Variants in CABIN1 observed in about 807,000 individuals in gnomAD.
CABIN1 encodes the protein calcineurin-binding protein cabin-1.
CABIN1 carries 133 observed loss-of-function variants against 227.7 expected under a neutral mutation model. The observed-to-expected ratio is 0.58, with a 90% confidence interval of 0.51 to 0.67. The LOEUF is 0.67. Among genes scored for constraint, CABIN1 ranks in the 30% least tolerant of loss-of-function variants. CABIN1 has a pLI of 0.00. For synonymous variants in CABIN1, 1,086 were observed against 1,155.1 expected, an observed-to-expected ratio of 0.94 and a Z score of 1.21; for missense variants, 2,408 against 2,852.5, an observed-to-expected ratio of 0.84 and a Z score of 3.55.
chr22:24,099,029 C>G lies in CABIN1; in HGVS notation c.4117+837C>G, dbSNP rs569142015. On this transcript the variant is annotated intron_variant, in intron 26 of 36. Transcript: ENST00000263119. ...GCTAGTAGGTGGGTAGAATTGGTCCCAGGGCTCTGCTTCCTGCCAGATAGT... is the reference window on the plus strand; with the variant it reads ...GCTAGTAGGTGGGTAGAATTGGTCCGAGGGCTCTGCTTCCTGCCAGATAGT... 7.9e-5 allele frequency among the ~76,000 whole-genome samples: 12 copies of G among 152,240 alleles called. No individual in the cohort carries two copies. In the South Asian group the frequency reaches 2.5e-3, roughly 32 times the overall value.
At chr22:24,175,882 G>A (rs1390000962) in intron 34 of CABIN1, 2 of 624,754 alleles carry the variant, frequency 3.2e-6, no homozygotes, top group African/African-American at 3.6e-5. Context: ...TCGGGAGGCG[G>A]AGGAGCCCTC....
intron 10 of CABIN1, among the ~76,000 whole-genome samples, chr22:24,057,409 C>G (rs931736157): frequency 1.3e-5 from 2 of 152,174 alleles, no homozygotes; most frequent in African/African-American, 4.8e-5. Context: ...TCTTCATTTG[C>G]ACTGGGCCAT....
chr22:24,143,457 C>T (rs562465110), intron 29 of CABIN1, among the ~76,000 whole-genome samples: 2 of 152,316 alleles, frequency 1.3e-5, no homozygotes, highest in South Asian at 2.1e-4. Context: ...GCCCCCACCC[C>T]CTTTTGGTGT....
intron 1 of CABIN1, among the ~76,000 whole-genome samples, chr22:24,033,166 A>G (rs1382767740): frequency 1.3e-5 from 2 of 152,250 alleles, no homozygotes; most frequent in Non-Finnish European, 2.9e-5. Flanking sequence ...CCCAGGAGAT[A>G]AAACAGCTAT....
intron 31 of CABIN1, 108 bp downstream of exon 31, chr22:24,165,734 G>A (rs972431875): frequency 2.1e-5 from 19 of 889,882 alleles, no homozygotes; most frequent in African/African-American, 2.0e-4. Flanking sequence ...GGCAGGATGT[G>A]CCTAAGGGTC....
chr22:24,041,036 T>C, intron 4 of CABIN1, 103 bp from the exon 5 acceptor site: 1 of 1,413,102 alleles, frequency 7.1e-7, no homozygotes, highest in East Asian at 2.3e-5. Flanking sequence ...CTAGACTGGC[T>C]CAAGGGCCTG....
At chr22:24,059,661 G>A (rs1396276645) in intron 11 of CABIN1, among the ~76,000 whole-genome samples, 1 of 152,196 alleles carries the variant, frequency 6.6e-6, no homozygotes, top group African/African-American at 2.4e-5. Flanking sequence ...AGTGAGATTA[G>A]TGCACATGGC....
intron 17 of CABIN1, among the ~76,000 whole-genome samples, chr22:24,072,033 T>C (rs2040124308): frequency 6.6e-6 from 1 of 152,172 alleles, no homozygotes; most frequent in Admixed American, 6.5e-5. Context: ...TTTGCACTTG[T>C]GTAGCTTGTC....
At chr22:24,128,792 C>A (rs924930399) in intron 28 of CABIN1, among the ~76,000 whole-genome samples, 2 of 152,238 alleles carry the variant, frequency 1.3e-5, no homozygotes, top group African/African-American at 4.8e-5. Flanking sequence ...ACCTTCCTGG[C>A]AGCCCTGTGG....
At chr22:24,158,092 A>G (rs2045944493) in intron 29 of CABIN1, among the ~76,000 whole-genome samples, 1 of 152,224 alleles carries the variant, frequency 6.6e-6, no homozygotes, top group African/African-American at 2.4e-5. Flanking sequence ...GAATCCCTCC[A>G]CCAGGGGAAC....
At chr22:24,022,658 G>C (rs1427363172) in intron 1 of CABIN1, among the ~76,000 whole-genome samples, 2 of 152,180 alleles carry the variant, frequency 1.3e-5, no homozygotes, top group South Asian at 4.1e-4. Context: ...AGTTTTATAA[G>C]AAACTGTTTT....
intron 18 of CABIN1, among the ~76,000 whole-genome samples, chr22:24,074,597 G>T (rs1006372090): frequency 6.6e-6 from 1 of 152,154 alleles, no homozygotes; most frequent in African/African-American, 2.4e-5. Flanking sequence ...GAGGGAAGGG[G>T]CCCTGGGATA....
intron 28 of CABIN1, among the ~76,000 whole-genome samples, chr22:24,129,094 A>C (rs1305975455): frequency 6.6e-6 from 1 of 152,184 alleles, no homozygotes; most frequent in African/African-American, 2.4e-5. Context: ...GGTCTGCCTT[A>C]CGGCTTTGCA....
chr22:24,063,185 A>G (rs1469930006), intron 14 of CABIN1, 39 bp downstream of exon 14: 4 of 1,604,160 alleles, frequency 2.5e-6, no homozygotes, highest in Non-Finnish European at 3.4e-6. Flanking sequence ...GCATGCCCTG[A>G]CACCCAGCAG....
intron 6 of CABIN1, among the ~76,000 whole-genome samples, chr22:24,045,635 A>G (rs2037815401): frequency 1.3e-5 from 2 of 151,924 alleles, no homozygotes; most frequent in South Asian, 4.2e-4. Flanking sequence ...GTTTCCACAT[A>G]TTTAGGTATT....
At chr22:24,035,762 T>A (rs2036829986) in intron 2 of CABIN1, among the ~76,000 whole-genome samples, 1 of 152,096 alleles carries the variant, frequency 6.6e-6, no homozygotes, top group African/African-American at 2.4e-5. Flanking sequence ...TTGAAATCTG[T>A]TGTTCCATTA....
chr22:24,060,219 C>T (rs2039091571), intron 12 of CABIN1, 78 bp downstream of exon 12: 1 of 1,363,732 alleles, frequency 7.3e-7, no homozygotes. Flanking sequence ...GGGTGTGGGG[C>T]TGCTGTTGTG....
intron 12 of CABIN1, among the ~76,000 whole-genome samples, chr22:24,061,089 T>C (rs1368887600): frequency 6.6e-6 from 1 of 152,192 alleles, no homozygotes; most frequent in Non-Finnish European, 1.5e-5. Flanking sequence ...GGCCTATGAC[T>C]ATTTTTAACA....
chr22:24,056,298 C>G lies in CABIN1; in HGVS notation c.1200C>G (p.Thr400=). ...GGCGGTCTGCCCGTGTCCGAAACAC[C>G]AAGTGCAAAAAAGAAGAGAAAGTAG... The part of the protein sequence containing the change: ...AKRRSARVRN[T]KCKKEEKVDF... Residue 400 remains threonine, a synonymous_variant, in exon 10 of 37, where the codon ACC becomes ACG. Coordinates refer to ENST00000263119, the MANE Select transcript of CABIN1 (RefSeq NM_012295.4). The G allele has an allele frequency of 6.2e-7, 1 of 1,613,692 alleles. No individual in the cohort carries two copies. The highest frequency in any genetic ancestry group is 1.1e-5 in the South Asian group (1 of 91,052).
Sources: allele counts gnomAD v4.1 joint callset (sites outside exome capture counted in the v4.1 genomes callset), GRCh38; gene constraint gnomAD v4.1.1; transcripts MANE v1.5; gene names NCBI Gene and HGNC (gene_info 2026-07-23, HGNC 2026-07-21).